The following THSD7A variants were observed in gnomAD, a reference collection of about 807,000 sequenced individuals.
The protein encoded by THSD7A is thrombospondin type 1 domain containing 7A.
In THSD7A, 96 loss-of-function variants were observed where a neutral mutation model predicts 231.3. The observed-to-expected ratio is 0.41, with a 90% confidence interval of 0.35 to 0.49. THSD7A has a LOEUF of 0.49. THSD7A is among the 20% of genes least tolerant of loss of function. The pLI is 0.05. For missense variants in THSD7A, 2,290 were observed against 2,070.2 expected, an observed-to-expected ratio of 1.11 and a Z score of -2.06; for synonymous variants, 940 against 743.3, an observed-to-expected ratio of 1.26 and a Z score of -4.30.
In THSD7A at chr7:11,376,611, A is replaced by G; in HGVS notation, c.4848T>C (p.Phe1616=). 1 of 1,589,134 alleles carries G rather than the reference A, an allele frequency of 6.3e-7. No homozygotes were observed. Among genetic ancestry groups the G allele is most frequent in the East Asian group, 2.3e-5 (1 of 43,730 alleles). The change falls in exon 27 of 28, where the codon TTT becomes TTC. Residue 1616 remains phenylalanine, a synonymous_variant. Transcript: ENST00000423059. ...TGGAGACAATAAAGATGAGTAACAC[A>G]AATGCCCCAGCTGCTACACCGTAAA... ...TWVYGVAAGA[F]VLLIFIVSMI... is the part of the protein sequence containing the mutation.
chr7:11,592,286 A>C (rs1780197802), intron 3 of THSD7A, among the ~76,000 whole-genome samples: 1 of 152,180 alleles, frequency 6.6e-6, no homozygotes, highest in African/African-American at 2.4e-5. Flanking sequence ...TTGTTATAGG[A>C]ATAGTAGTAG....
At chr7:11,585,140 T>G (rs1362958498) in intron 4 of THSD7A, among the ~76,000 whole-genome samples, 3 of 152,188 alleles carry the variant, frequency 2.0e-5, no homozygotes, top group African/African-American at 7.2e-5. Flanking sequence ...TGAAGTCTCA[T>G]CAGTAAGCTG....
At chr7:11,820,789 G>A in intron 1 of THSD7A, 2 of 1,174,476 alleles carry the variant, frequency 1.7e-6, no homozygotes, top group Admixed American at 3.4e-5. Flanking sequence ...AAGAGGAGGA[G>A]GATCTGGACG....
intron 11 of THSD7A, among the ~76,000 whole-genome samples, chr7:11,449,022 C>T (rs899960881): frequency 6.6e-6 from 1 of 152,044 alleles, no homozygotes; most frequent in South Asian, 2.1e-4. Context: ...AGGGAGGACA[C>T]ATCTGGTACT....
chr7:11,640,756 C>G (rs1179178074), intron 1 of THSD7A, among the ~76,000 whole-genome samples: 6 of 151,970 alleles, frequency 3.9e-5, no homozygotes, highest in Non-Finnish European at 5.9e-5. Flanking sequence ...TATTTCTACT[C>G]AAGATGTACA....
intron 1 of THSD7A, chr7:11,821,370 C>G (rs1784867792): frequency 3.5e-6 from 2 of 572,692 alleles, no homozygotes; most frequent in Admixed American, 5.2e-5. Flanking sequence ...GACTTTTTAT[C>G]TCTTCTCCCT....
intron 1 of THSD7A, among the ~76,000 whole-genome samples, chr7:11,681,251 G>T (rs1783857709): frequency 6.6e-6 from 1 of 151,950 alleles, no homozygotes; most frequent in African/African-American, 2.4e-5. Flanking sequence ...ACCTAATGTA[G>T]CTGATGGGTT....
Position 11,415,168 on chromosome 7 carries a change from T to C in THSD7A, c.3537+2282A>G, listed in dbSNP as rs1411003292. 2.6e-5 allele frequency among the ~76,000 whole-genome samples: 4 copies of C among 152,154 alleles called. No individual in the cohort carries two copies. In the East Asian group the frequency reaches 7.7e-4, roughly 29 times the overall value. On this transcript the variant is annotated intron_variant, in intron 17 of 27. Transcript: ENST00000423059. ...TCAAATCATGTTCAAATATGACAAA[T>C]GTAAAGGAAAGTTTTTAAAAAAATC...
chr7:11,485,599 T>C (rs1786623631), intron 6 of THSD7A, among the ~76,000 whole-genome samples: 1 of 152,216 alleles, frequency 6.6e-6, no homozygotes. Context: ...GTTATCTTTC[T>C]CAAATAGCAA....
At chr7:11,640,330 C>A (rs1782034500) in intron 1 of THSD7A, among the ~76,000 whole-genome samples, 1 of 152,136 alleles carries the variant, frequency 6.6e-6, no homozygotes, top group South Asian at 2.1e-4. Flanking sequence ...TCAACAGATG[C>A]CATTTGCATA....
At chr7:11,412,937 C>T (rs1783834849) in intron 17 of THSD7A, 137 bp from the exon 18 acceptor site, 3 of 867,850 alleles carry the variant, frequency 3.5e-6, no homozygotes, top group Non-Finnish European at 5.3e-6. Context: ...CCTCATTATG[C>T]CTCAGTTGTT....
At chr7:11,438,157 G>C (rs1784691948) in intron 13 of THSD7A, among the ~76,000 whole-genome samples, 1 of 151,874 alleles carries the variant, frequency 6.6e-6, no homozygotes, top group Non-Finnish European at 1.5e-5. Context: ...AGCTAGTAAT[G>C]GTCATTGAAA....
intron 1 of THSD7A, among the ~76,000 whole-genome samples, chr7:11,654,149 T>C (rs900510193): frequency 6.6e-6 from 1 of 151,936 alleles, no homozygotes; most frequent in Admixed American, 6.6e-5. Flanking sequence ...TTCTGGGACC[T>C]TGATAATTAA....
chr7:11,734,602 T>C (rs964807555), intron 1 of THSD7A, among the ~76,000 whole-genome samples: 3 of 151,978 alleles, frequency 2.0e-5, no homozygotes, highest in African/African-American at 7.2e-5. Flanking sequence ...TATCTCGCTC[T>C]CTCAAACACC....
rs927222790 is a variant in THSD7A at position 11,480,569 on chromosome 7, CT to C, written c.2017+1218del. 8.8e-3 allele frequency among the ~76,000 whole-genome samples: 1,327 copies of C among 151,210 alleles called. 21 individuals are homozygous for C. Among genetic ancestry groups the C allele is most frequent in the African/African-American group, 0.029 (1,204 of 41,286 alleles). On this transcript the variant is annotated intron_variant, in intron 7 of 27. Coordinates refer to ENST00000423059, the MANE Select transcript of THSD7A (RefSeq NM_015204.3). Reference sequence around the variant, plus strand: ...AAGGTTGTATTTTTCAATAGATACACTTTTTTTTTGGAGCAAAGAGTTAAAT... The same window carrying C: ...AAGGTTGTATTTTTCAATAGATACACTTTTTTTTGGAGCAAAGAGTTAAAT...
intron 23 of THSD7A, chr7:11,384,284 C>A (rs934675740): frequency 6.6e-6 from 1 of 151,672 alleles, no homozygotes; most frequent in African/African-American, 2.4e-5. Flanking sequence ...AGACATGAAT[C>A]CTTTGAAATT....
intron 13 of THSD7A, among the ~76,000 whole-genome samples, chr7:11,429,370 TATTTCAAC>T (rs1166921698): frequency 1.3e-5 from 2 of 152,228 alleles, no homozygotes; most frequent in Non-Finnish European, 2.9e-5. Context: ...ATGCTCACCA[TATTTCAAC>T]ATTTCTGACT....
intron 23 of THSD7A, among the ~76,000 whole-genome samples, chr7:11,388,253 C>T (rs1049838813): frequency 1.3e-5 from 2 of 151,624 alleles, no homozygotes; most frequent in Non-Finnish European, 1.5e-5. Context: ...TGATTGGAAT[C>T]GTTTCAGAAG....
intron 23 of THSD7A, among the ~76,000 whole-genome samples, chr7:11,392,796 G>A (rs1040751874): frequency 6.6e-6 from 1 of 152,220 alleles, no homozygotes; most frequent in South Asian, 2.1e-4. Context: ...GCCCACCACA[G>A]CTCTGCAAAG....
Sources: gnomAD v4.1 joint callset for allele counts (sites outside exome capture counted in the v4.1 genomes callset) on GRCh38, gnomAD v4.1.1 for gene constraint, MANE v1.5 for transcripts, NCBI Gene and HGNC (gene_info 2026-07-23, HGNC 2026-07-21) for gene names.